Variants in PGPEP1 observed in about 807,000 individuals in gnomAD.
The protein encoded by PGPEP1 is pyroglutamyl-peptidase I.
Under a neutral mutation model 24.1 loss-of-function variants are expected in PGPEP1, and 15 were observed. The observed-to-expected ratio is 0.62, with a 90% CI of 0.42 to 0.96. PGPEP1 has a LOEUF of 0.96. PGPEP1 is among the 40% of genes least tolerant of loss of function. The probability of loss-of-function intolerance (pLI) is 0.00; values close to 1 mark genes in which losing one functional copy is unlikely to be tolerated. For missense variants in PGPEP1, 242 were observed against 273.4 expected (o/e 0.89, Z 0.81); for synonymous variants, 122 against 116.4 (o/e 1.05, Z -0.31).
At chr19:18,344,646 G>A (rs1375188911) in intron 2 of PGPEP1, among the ~76,000 whole-genome samples, 5 of 150,348 alleles carry the variant, frequency 3.3e-5, no homozygotes, top group African/African-American at 9.8e-5. Context: ...ACGGGGTCCC[G>A]GGACCCTGCA....
chr19:18,347,266 C>CTT (rs1487612760), intron 2 of PGPEP1, among the ~76,000 whole-genome samples: 20 of 56,650 alleles, frequency 3.5e-4, no homozygotes, highest in Middle Eastern at 0.012. Context: ...TTCTTTCTTT[C>CTT]TTTCTTTTTT....
At chr19:18,348,547 C>A (rs909390199) in intron 2 of PGPEP1, among the ~76,000 whole-genome samples, 1 of 152,098 alleles carries the variant, frequency 6.6e-6, no homozygotes, top group African/African-American at 2.4e-5. Context: ...GCCCTGCCCC[C>A]CTTCTCCCGG....
rs145045359 is a variant in PGPEP1, at chr19:18,357,522, G to C, written c.344G>C (p.Ser115Thr). The change falls in exon 4 of 5, where the codon AGC becomes ACC. Residue 115 changes from serine (S) to threonine (T), a missense_variant. Transcript: ENST00000269919. The part of the protein sequence containing the change: ...SQCCVEDGPE[S>T]IDSIIDMDAV... ...TGCTGCGTGGAGGACGGGCCTGAAA[G>C]CATTGACTCCATCATCGACATGGAT... 2.6e-4 allele frequency: 425 copies of C among 1,613,500 alleles called. No homozygotes were observed. Among genetic ancestry groups the C allele is most frequent in the Non-Finnish European group, 3.3e-4 (393 of 1,179,738 alleles).
intron 2 of PGPEP1, among the ~76,000 whole-genome samples, chr19:18,345,072 C>G (rs893515274): frequency 2.0e-5 from 3 of 152,086 alleles, no homozygotes; most frequent in Admixed American, 6.6e-5. Flanking sequence ...ACGGTATCAG[C>G]TCACTTCAAC....
chr19:18,356,342 G>A (rs1568315408), intron 3 of PGPEP1, among the ~76,000 whole-genome samples: 1 of 152,152 alleles, frequency 6.6e-6, no homozygotes, highest in Admixed American at 6.6e-5. Context: ...GCTGAGGCAG[G>A]AGAATCGCTT....
chr19:18,354,961 C>CTTTT (rs761843314), intron 2 of PGPEP1, among the ~76,000 whole-genome samples: 56 of 94,728 alleles, frequency 5.9e-4, no homozygotes, highest in Admixed American at 1.1e-3. Flanking sequence ...TAAGTCGATA[C>CTTTT]TTTTTTTTTT....
At chr19:18,360,537 A>G in intron 4 of PGPEP1, among the ~76,000 whole-genome samples, 1 of 151,696 alleles carries the variant, frequency 6.6e-6, no homozygotes, top group African/African-American at 2.4e-5. Context: ...TTTTTGAGAC[A>G]GAGTCTTGCT....
At chr19:18,355,118 G>A (rs1187030719) in intron 2 of PGPEP1, among the ~76,000 whole-genome samples, 3 of 151,720 alleles carry the variant, frequency 2.0e-5, no homozygotes, top group Non-Finnish European at 4.4e-5. Context: ...ACAGGCACAC[G>A]CCGCCACGCC....
chr19:18,363,645 T>C lies in PGPEP1; in HGVS notation c.*62T>C, dbSNP rs1370818001. On this transcript the variant is annotated 3_prime_UTR_variant, in exon 5 of 5. Transcript: ENST00000269919. Reference sequence around the variant, plus strand: ...GGACCCCACGAGGGGACATCCACCCTCTGGGGTGTGGCCAGGAAAAGACAA... The same window carrying C: ...GGACCCCACGAGGGGACATCCACCCCCTGGGGTGTGGCCAGGAAAAGACAA... 1.1e-5 allele frequency: 14 copies of C among 1,299,606 alleles called. No individual in the cohort carries two copies. The highest frequency in any genetic ancestry group is 1.4e-5 in the Non-Finnish European group (13 of 926,782). The allele number at this position is 1,299,606 out of a possible 1,614,324, so 80.5% of individuals were successfully genotyped here.
At position 18,344,859 on chromosome 19, in the gene PGPEP1, C is replaced by G. The variant is rs143509373; in HGVS notation, c.87+1948C>G. Among the ~76,000 whole-genome samples, 1,457 of 152,164 alleles carry G rather than the reference C, an allele frequency of 9.6e-3. 10 individuals carry two copies. The highest frequency in any genetic ancestry group is 0.016 in the Non-Finnish European group (1,104 of 68,006). ...ATCTACATCTAAATAGAAGAAAAAT[C>G]AATTAAACAATCTTTGGAAATCCCT... On this transcript the variant is annotated intron_variant, in intron 2 of 4. Transcript: ENST00000269919.
intron 2 of PGPEP1, among the ~76,000 whole-genome samples, chr19:18,345,487 T>TC (rs1381061396): frequency 6.7e-6 from 1 of 149,268 alleles, no homozygotes; most frequent in Non-Finnish European, 1.5e-5. Flanking sequence ...ACGCTTGTAA[T>TC]CCCAGCACTT....
chr19:18,345,725 C>CAAAAAAAAAAAA (rs1263995077), intron 2 of PGPEP1, among the ~76,000 whole-genome samples: 1 of 89,784 alleles, frequency 1.1e-5, no homozygotes, highest in Admixed American at 1.3e-4. Flanking sequence ...GACCCTATCT[C>CAAAAAAAAAAAA]AAAAAAAAAA....
chr19:18,349,137 C>T (rs8102478), intron 2 of PGPEP1: 252,567 of 958,152 alleles, frequency 0.26, 35,030 homozygotes, highest in African/African-American at 0.36. Context: ...TGTGTATATG[C>T]TGACAGTGGT....
At chr19:18,342,258 T>G (rs1442363907) in intron 1 of PGPEP1, among the ~76,000 whole-genome samples, 3 of 152,154 alleles carry the variant, frequency 2.0e-5, no homozygotes, top group African/African-American at 7.2e-5. Context: ...CTGTGTGACC[T>G]TGGGCAGCTA....
intron 1 of PGPEP1, among the ~76,000 whole-genome samples, chr19:18,340,931 G>T (rs938213997): frequency 1.3e-5 from 2 of 152,160 alleles, no homozygotes; most frequent in Non-Finnish European, 2.9e-5. Context: ...AGTCGGGCGC[G>T]GGGCTTGGGG....
In PGPEP1 at chr19:18,357,476, C is replaced by T. The variant is rs146583529; in HGVS notation, c.298C>T (p.Arg100Cys). 109 of 1,613,852 alleles carry T rather than the reference C, an allele frequency of 6.8e-5. 1 individual carries two copies. The highest frequency in any genetic ancestry group is 6.7e-4 in the East Asian group (30 of 44,872). ...NKGYKGLDNC[R>C]FCPGSQCCVE... is the part of the protein sequence containing the mutation. The stretch of plus-strand genomic sequence containing the variant: ...GGGCTACAAGGGGCTGGACAACTGC[C>T]GCTTTTGCCCCGGCTCCCAGTGCTG... The change falls in exon 4 of 5, where the codon CGC becomes TGC. Residue 100 changes from arginine to cysteine, a missense_variant. Coordinates refer to ENST00000269919, the MANE Select transcript of PGPEP1 (RefSeq NM_017712.4).
At position 18,364,240 on chromosome 19, in the gene PGPEP1, C is replaced by G. The variant is rs1971460301; in HGVS notation, c.*657C>G. On this transcript the variant is annotated 3_prime_UTR_variant, in exon 5 of 5. Coordinates refer to ENST00000269919, the MANE Select transcript of PGPEP1 (RefSeq NM_017712.4). ...AAAATGCAGGCTTTTTAGCCAACAA[C>G]AAAAGTGTTTTCCCCCCACCCCCAC... is the stretch of plus-strand genomic sequence containing the variant. 1 of 150,074 alleles carries G rather than the reference C, an allele frequency of 6.7e-6. No homozygotes were observed. Among genetic ancestry groups the G allele is most frequent in the Non-Finnish European group, 1.5e-5 (1 of 67,762 alleles). 9.3% of individuals were successfully genotyped at this position (150,074 alleles called of 1,614,324 possible).
At position 18,357,391 on chromosome 19, in the gene PGPEP1, G is replaced by GCATGTGGGGGTGTCAGGCATGGC; in HGVS notation, c.214_236dup (p.Thr80MetfsTer67). On this transcript the variant is annotated frameshift_variant, in exon 4 of 5. Transcript: ENST00000269919. LOFTEE classifies it high-confidence loss of function. ...CCCCTGTCTGTGTGCAGCTGGTGGT[G>GCATGTGGGGGTGTCAGGCATGGC]CATGTGGGGGTGTCAGGCATGGCGA... is the stretch of plus-strand genomic sequence containing the variant. 6.2e-7 allele frequency: 1 copy of GCATGTGGGGGTGTCAGGCATGGC among 1,613,116 alleles called. No homozygotes were observed. Among genetic ancestry groups the GCATGTGGGGGTGTCAGGCATGGC allele is most frequent in the Non-Finnish European group, 8.5e-7 (1 of 1,179,422 alleles).
intron 2 of PGPEP1, among the ~76,000 whole-genome samples, chr19:18,354,001 A>G (rs769247621): frequency 6.6e-6 from 1 of 152,134 alleles, no homozygotes; most frequent in African/African-American, 2.4e-5. Context: ...TTGGGAGGCC[A>G]AGGCAGGTGA....
Sources: gnomAD v4.1 joint callset for allele counts (sites outside exome capture counted in the v4.1 genomes callset) on GRCh38, gnomAD v4.1.1 for gene constraint, MANE v1.5 for transcripts, NCBI Gene and HGNC (gene_info 2026-07-23, HGNC 2026-07-21) for gene names.